Variants in ZFHX4 observed in about 807,000 individuals in gnomAD.
ZFHX4 encodes zinc finger homeobox protein 4.
Under a neutral mutation model 267.6 loss-of-function variants are expected in ZFHX4, and 56 were observed. The observed-to-expected ratio is 0.21, with a 90% CI of 0.17 to 0.26. The LOEUF (loss-of-function observed/expected upper bound fraction) is 0.26, where lower values mean the gene tolerates loss of function less well. Ranked by LOEUF, ZFHX4 falls within the 10% of genes least tolerant of loss-of-function variation. The pLI, the probability that ZFHX4 is intolerant of heterozygous loss-of-function variation, is 1.00. For missense variants in ZFHX4, 4,332 were observed against 4,420.0 expected (o/e 0.98, Z 0.56); for synonymous variants, 1,778 against 1,665.6 (o/e 1.07, Z -1.64).
Position 76,851,926 on chromosome 8 carries a change from G to T in ZFHX4, c.5005G>T (p.Glu1669Ter), listed in dbSNP as rs1812538701. 6.2e-7 allele frequency: 1 copy of T among 1,613,800 alleles called. No individual in the cohort carries two copies. The highest frequency in any genetic ancestry group is 8.5e-7 in the Non-Finnish European group (1 of 1,179,870). The change falls in exon 10 of 11, where the codon GAA (glutamate) becomes TAA (stop). Residue 1669 changes from glutamate (E) to a stop codon, truncating the protein, a stop_gained. Transcript: ENST00000651372. LOFTEE classifies it high-confidence loss of function. ...NSKDTHLDAK[E>*]LNKKQTPDLI... Reference sequence around the variant, plus strand: ...CAAAGATACCCATTTAGATGCCAAAGAATTAAATAAAAAGCAAACTCCTGA... The same window carrying T: ...CAAAGATACCCATTTAGATGCCAAATAATTAAATAAAAAGCAAACTCCTGA...
chr8:76,790,361 T>C (rs1001911479), intron 4 of ZFHX4, among the ~76,000 whole-genome samples: 6 of 152,118 alleles, frequency 3.9e-5, no homozygotes, highest in Admixed American at 1.3e-4. Context: ...AGTCACAAAA[T>C]TGAGAAATGG....
chr8:76,816,280 A>G (rs922504093), intron 4 of ZFHX4, among the ~76,000 whole-genome samples: 3 of 152,232 alleles, frequency 2.0e-5, no homozygotes, highest in African/African-American at 7.2e-5. Context: ...ATTTGTCTAT[A>G]AACTGTTTCT....
At chr8:76,817,897 G>A (rs1811547502) in intron 4 of ZFHX4, among the ~76,000 whole-genome samples, 1 of 152,196 alleles carries the variant, frequency 6.6e-6, no homozygotes, top group Non-Finnish European at 1.5e-5. Context: ...GTATCTGGAA[G>A]ATTCTTCTAC....
At chr8:76,693,697 A>G (rs1483028925) in intron 1 of ZFHX4, among the ~76,000 whole-genome samples, 1 of 152,240 alleles carries the variant, frequency 6.6e-6, no homozygotes, top group Non-Finnish European at 1.5e-5. Context: ...TGGGATTGTA[A>G]AGGTAAACTG....
At chr8:76,819,552 T>G (rs979863572) in intron 4 of ZFHX4, among the ~76,000 whole-genome samples, 1 of 152,088 alleles carries the variant, frequency 6.6e-6, no homozygotes, top group Non-Finnish European at 1.5e-5. Flanking sequence ...TGGGTGCCGC[T>G]CTTCTGGGAG....
At chr8:76,706,777 G>A (rs1422689478) in intron 2 of ZFHX4, 99 bp downstream of exon 2, 8 of 1,303,664 alleles carry the variant, frequency 6.1e-6, no homozygotes, top group Non-Finnish European at 8.2e-6. Flanking sequence ...AACAAATTGA[G>A]GACAGCTTAC....
At chr8:76,797,886 ATGTG>A (rs10694486) in intron 4 of ZFHX4, among the ~76,000 whole-genome samples, 1,850 of 140,232 alleles carry the variant, frequency 0.013, 9 homozygotes, top group African/African-American at 0.024. Context: ...GTGTGTCTGT[ATGTG>A]TGTGTGTGTG....
chr8:76,687,830 T>A (rs567923147), intron 1 of ZFHX4, among the ~76,000 whole-genome samples: 1 of 152,296 alleles, frequency 6.6e-6, no homozygotes, highest in East Asian at 1.9e-4. Context: ...TGTGAAAGCA[T>A]CGGAAAAGGA....
In ZFHX4 at chr8:76,852,514, C is replaced by T; in HGVS notation, c.5593C>T (p.Pro1865Ser). ...GGAGGCAGAAGATATTTCTGAAAAG[C>T]CAGAAAAACCAAAGCAGGAATTTAT... is the stretch of plus-strand genomic sequence containing the variant. ...YKEAEDISEK[P>S]EKPKQEFISE... The change falls in exon 10 of 11, where the codon CCA becomes TCA. Residue 1865 changes from proline to serine, a missense_variant. Pro to Ser is a moderately conservative substitution (Grantham distance 74). This residue lies in a region of ZFHX4 where 1,371 missense variants were observed against 1,423.1 expected (regional missense o/e 0.96). Transcript: ENST00000651372. 2.5e-6 allele frequency: 4 copies of T among 1,605,964 alleles called. No individual in the cohort carries two copies. The South Asian group carries it at 3.4e-5, about 13-fold the overall frequency.
chr8:76,723,062 C>T (rs1314445417), intron 3 of ZFHX4, among the ~76,000 whole-genome samples: 1 of 152,000 alleles, frequency 6.6e-6, no homozygotes, highest in Non-Finnish European at 1.5e-5. Flanking sequence ...GTTTTAACTT[C>T]AATATACATT....
At chr8:76,760,806 T>A (rs1391211394) in intron 3 of ZFHX4, among the ~76,000 whole-genome samples, 1 of 151,768 alleles carries the variant, frequency 6.6e-6, no homozygotes, top group African/African-American at 2.4e-5. Flanking sequence ...GCACATGCCT[T>A]CATCCCAGCT....
chr8:76,780,328 T>G (rs1810515346), intron 4 of ZFHX4, among the ~76,000 whole-genome samples: 2 of 152,212 alleles, frequency 1.3e-5, no homozygotes, highest in African/African-American at 4.8e-5. Context: ...CTCTGTAAGC[T>G]TATACTCAAG....
intron 5 of ZFHX4, among the ~76,000 whole-genome samples, chr8:76,836,039 A>C (rs909808136): frequency 1.3e-5 from 2 of 152,186 alleles, no homozygotes; most frequent in African/African-American, 4.8e-5. Context: ...TTAGTTGCAC[A>C]AATAGTCAAA....
chr8:76,687,958 C>A (rs376143956), intron 1 of ZFHX4, among the ~76,000 whole-genome samples: 27 of 152,060 alleles, frequency 1.8e-4, no homozygotes, highest in South Asian at 4.1e-4. Flanking sequence ...GTCTATGCTC[C>A]GCTCTCTCTA....
intron 5 of ZFHX4, among the ~76,000 whole-genome samples, chr8:76,839,394 T>C (rs1812177967): frequency 6.6e-6 from 1 of 152,208 alleles, no homozygotes. Context: ...CTTCTTTCTA[T>C]TATTTTGAAA....
At chr8:76,782,061 A>G (rs1004036366) in intron 4 of ZFHX4, 1 of 369,094 alleles carries the variant, frequency 2.7e-6, no homozygotes, top group Non-Finnish European at 5.3e-6. Flanking sequence ...TCAAATATGT[A>G]AATGGTAGCC....
chr8:76,795,301 T>A (rs2131814710), intron 4 of ZFHX4, among the ~76,000 whole-genome samples: 1 of 152,258 alleles, frequency 6.6e-6, no homozygotes, highest in East Asian at 1.9e-4. Context: ...TGAGACAGGA[T>A]CTCACTCTGT....
intron 3 of ZFHX4, among the ~76,000 whole-genome samples, chr8:76,725,750 C>G (rs1585885668): frequency 6.6e-6 from 1 of 152,182 alleles, no homozygotes; most frequent in East Asian, 1.9e-4. Context: ...AAGTAAAACA[C>G]AAAGTACAAT....
chr8:76,805,590 CTTTT>C lies in ZFHX4; in HGVS notation c.3325+27162_3325+27165del, dbSNP rs34607717. The stretch of plus-strand genomic sequence containing the variant: ...GTCCTTGGTGTGAATGACACTTAGG[CTTTT>C]TTTTTTTTTTGTAGTCAGAGATTAC... On this transcript the variant is annotated intron_variant, in intron 4 of 10. Coordinates refer to ENST00000651372, the MANE Select transcript of ZFHX4 (RefSeq NM_024721.5). 2.2e-5 allele frequency among the ~76,000 whole-genome samples: 3 copies of C among 138,546 alleles called. No individual in the cohort carries two copies. In the South Asian group the frequency reaches 7.0e-4, roughly 32 times the overall value. The allele number at this position is 138,546 out of a possible 152,430, so 90.9% of individuals were successfully genotyped here. A position where few individuals can be genotyped will look rare whatever the true frequency, so the allele number is the denominator to read the frequency against.
Sources: allele counts gnomAD v4.1 joint callset (sites outside exome capture counted in the v4.1 genomes callset), GRCh38; gene constraint gnomAD v4.1.1; regional missense constraint gnomAD v4.1.1; transcripts MANE v1.5; gene names NCBI Gene and HGNC (gene_info 2026-07-23, HGNC 2026-07-21).